SGCD: variants seen among roughly 807,000 people sequenced by gnomAD.
The protein encoded by SGCD is sarcoglycan delta.
A neutral mutation model predicts 36.6 loss-of-function variants in SGCD; 18 were observed. The ratio of observed to expected loss-of-function variants is 0.49; its 90% CI spans 0.34 to 0.73. SGCD has a LOEUF of 0.73. Among genes scored for constraint, SGCD ranks in the 30% least tolerant of loss-of-function variants. The pLI is 0.01. For missense variants in SGCD, 387 were observed against 346.7 expected, an observed-to-expected ratio of 1.12 and a Z score of -0.92; for synonymous variants, 133 against 130.6, an observed-to-expected ratio of 1.02 and a Z score of -0.12.
chr5:156,351,261 G>T (rs1769237110), intron 3 of SGCD, among the ~76,000 whole-genome samples: 2 of 152,110 alleles, frequency 1.3e-5, no homozygotes, highest in Admixed American at 1.3e-4. Flanking sequence ...CCATAGGTTG[G>T]TGGAAGACCC....
intron 7 of SGCD, among the ~76,000 whole-genome samples, chr5:156,732,244 G>A (rs984576526): frequency 6.6e-6 from 1 of 152,056 alleles, no homozygotes; most frequent in Admixed American, 6.6e-5. Flanking sequence ...AATACTTCCA[G>A]CTTTTGCCCA....
chr5:155,855,098 C>T, the SGCD span, among the ~76,000 whole-genome samples: 13 of 152,154 alleles, frequency 8.5e-5, no homozygotes, highest in African/African-American at 3.1e-4. Flanking sequence ...CTGTAGTGCA[C>T]TCTGGACCGA....
intron 4 of SGCD, among the ~76,000 whole-genome samples, chr5:156,558,125 T>TATATATATATATATATATATATATATA (rs56304932): frequency 8.4e-5 from 9 of 107,768 alleles, no homozygotes; most frequent in Non-Finnish European, 1.1e-4. Flanking sequence ...ATATATATAT[T>TATATATATATATATATATATATATATA]ATTTAACTCT....
chr5:156,214,595 C>G (rs769842094), intron 3 of SGCD, among the ~76,000 whole-genome samples: 1 of 151,768 alleles, frequency 6.6e-6, no homozygotes, highest in Non-Finnish European at 1.5e-5. Flanking sequence ...AAATAGAAAC[C>G]ATTCTAAAAT....
chr5:156,400,786 G>A (rs1336730106), intron 3 of SGCD, among the ~76,000 whole-genome samples: 1 of 152,178 alleles, frequency 6.6e-6, no homozygotes, highest in African/African-American at 2.4e-5. Flanking sequence ...TTATTCATAA[G>A]TTTGCTAAAT....
chr5:156,509,704 T>C (rs1756851825), intron 4 of SGCD, among the ~76,000 whole-genome samples: 1 of 152,206 alleles, frequency 6.6e-6, no homozygotes, highest in South Asian at 2.1e-4. Flanking sequence ...CTACCTAAGC[T>C]TTTCCTTTCA....
chr5:156,204,662 T>G (rs1453948391), intron 3 of SGCD, among the ~76,000 whole-genome samples: 1 of 152,124 alleles, frequency 6.6e-6, no homozygotes, highest in Non-Finnish European at 1.5e-5. Flanking sequence ...GTGATAACAG[T>G]ATCTCATGAA....
At chr5:156,612,786 T>C (rs1761875787) in intron 6 of SGCD, among the ~76,000 whole-genome samples, 1 of 152,180 alleles carries the variant, frequency 6.6e-6, no homozygotes, top group Admixed American at 6.5e-5. Context: ...AGTTGATCCA[T>C]TGTTAAGATG....
chr5:156,656,891 CTTT>C (rs1387771238), intron 7 of SGCD, among the ~76,000 whole-genome samples: 1 of 151,992 alleles, frequency 6.6e-6, no homozygotes, highest in African/African-American at 2.4e-5. Context: ...TGTAGGGTTT[CTTT>C]TTGTTGTTGT....
chr5:156,230,567 G>C (rs1764990390), intron 3 of SGCD, among the ~76,000 whole-genome samples: 1 of 152,136 alleles, frequency 6.6e-6, no homozygotes, highest in African/African-American at 2.4e-5. Context: ...GAACCTGTTA[G>C]TAATTGGGGT....
intron 1 of SGCD, among the ~76,000 whole-genome samples, chr5:155,929,512 C>T (rs1757058872): frequency 6.6e-6 from 1 of 152,040 alleles, no homozygotes; most frequent in South Asian, 2.1e-4. Context: ...TCACATTTAC[C>T]TTCCACTCTT....
intron 1 of SGCD, among the ~76,000 whole-genome samples, chr5:156,105,957 A>G (rs762258798): frequency 6.6e-6 from 1 of 151,726 alleles, no homozygotes; most frequent in Non-Finnish European, 1.5e-5. Context: ...CTAAAAATAC[A>G]AAAATTAGCT....
At chr5:156,015,909 A>G (rs900196018) in intron 1 of SGCD, among the ~76,000 whole-genome samples, 1 of 150,306 alleles carries the variant, frequency 6.7e-6, no homozygotes, top group African/African-American at 2.4e-5. Context: ...TTTTATATAT[A>G]TATATATATC....
At chr5:156,428,295 A>G (rs1307336858) in intron 3 of SGCD, among the ~76,000 whole-genome samples, 2 of 152,110 alleles carry the variant, frequency 1.3e-5, no homozygotes, top group Non-Finnish European at 2.9e-5. Flanking sequence ...GAATTTATCC[A>G]TCTCCTCTAG....
intron 3 of SGCD, among the ~76,000 whole-genome samples, chr5:156,236,450 A>AC (rs1053284019): frequency 9.1e-5 from 13 of 143,154 alleles, no homozygotes; most frequent in African/African-American, 2.8e-4. Context: ...TAATTCGTAT[A>AC]CTTTTTTTTT....
At chr5:156,696,944 ACACACACACAC>A (rs1754343262) in intron 7 of SGCD, among the ~76,000 whole-genome samples, 1 of 146,330 alleles carries the variant, frequency 6.8e-6, no homozygotes, top group Non-Finnish European at 1.5e-5. Flanking sequence ...ACACACACAC[ACACACACACAC>A]ACACACACTT....
chr5:156,713,542 C>T (rs1755092989), intron 7 of SGCD, among the ~76,000 whole-genome samples: 2 of 152,154 alleles, frequency 1.3e-5, no homozygotes, highest in Admixed American at 6.5e-5. Context: ...GCTTCTCTGT[C>T]AGAACCTTAT....
At chr5:156,537,183 G>A (rs1196669302) in intron 4 of SGCD, among the ~76,000 whole-genome samples, 5 of 152,104 alleles carry the variant, frequency 3.3e-5, no homozygotes, top group Non-Finnish European at 5.9e-5. Flanking sequence ...TTGTCTCCCA[G>A]TAGTCCCCTT....
the SGCD span, among the ~76,000 whole-genome samples, chr5:155,749,500 T>C: frequency 1.3e-5 from 2 of 152,376 alleles, no homozygotes; most frequent in African/African-American, 4.8e-5. Context: ...TAATCTTGTC[T>C]ATTTACATAC....
Sources: allele counts gnomAD v4.1 joint callset (sites outside exome capture counted in the v4.1 genomes callset), GRCh38; gene constraint gnomAD v4.1.1; transcripts MANE v1.5; gene names NCBI Gene and HGNC (gene_info 2026-07-23, HGNC 2026-07-21).